MLH3: variants seen among roughly 807,000 people sequenced by gnomAD.
MLH3 encodes the protein DNA mismatch repair protein Mlh3.
Under a neutral mutation model 122.2 loss-of-function variants are expected in MLH3, and 82 were observed. The ratio of observed to expected loss-of-function variants is 0.67; its 90% CI spans 0.56 to 0.81. MLH3 has a LOEUF of 0.81. Ranked by LOEUF, MLH3 falls within the 30% of genes least tolerant of loss-of-function variation. The pLI, the probability that MLH3 is intolerant of heterozygous loss-of-function variation, is 0.00. For synonymous variants in MLH3, 524 were observed against 599.5 expected (o/e 0.87, Z 1.84); for missense variants, 1,539 against 1,714.5 (o/e 0.90, Z 1.81).
rs77157930 is a variant in MLH3 at position 75,018,816 on chromosome 14, G to A, written c.4242+13C>T. On this transcript the variant is annotated intron_variant, in intron 12 of 12. Coordinates refer to ENST00000355774, the MANE Select transcript of MLH3 (RefSeq NM_001040108.2). ...ACTTTGCTCCCTCCTGCTCCTGTTA[G>A]TCATTAATGTACCTGTTTTTCCTGT... is the stretch of plus-strand genomic sequence containing the variant. 1 of 1,613,934 alleles carries A rather than the reference G, an allele frequency of 6.2e-7. No homozygotes were observed. The highest frequency in any genetic ancestry group is 8.5e-7 in the Non-Finnish European group (1 of 1,179,822).
intron 9 of MLH3, among the ~76,000 whole-genome samples, chr14:75,028,356 A>G (rs72734283): frequency 0.064 from 9,652 of 151,900 alleles, 374 homozygotes; most frequent in Non-Finnish European, 0.094. Context: ...GACCTTGACA[A>G]CCCATCTAGC....
chr14:75,046,273 TTCTA>T lies in MLH3; in HGVS notation c.3280+99_3280+102del, dbSNP rs28756994. ...TGTTTTATAAGTGGTCTTCAAAATG[TTCTA>T]TCTGTTGAGATAATCTCTTTGGATA... is the stretch of plus-strand genomic sequence containing the variant. On this transcript the variant is annotated intron_variant, in intron 2 of 12. Coordinates refer to ENST00000355774, the MANE Select transcript of MLH3 (RefSeq NM_001040108.2). The T allele has an allele frequency of 0.013, 15,162 of 1,208,122 alleles. 209 individuals carry two copies. Among genetic ancestry groups the T allele is most frequent in the African/African-American group, 0.051 (3,411 of 67,056 alleles). 74.8% of individuals were successfully genotyped at this position (1,208,122 alleles called of 1,614,324 possible). A position where few individuals can be genotyped will look rare whatever the true frequency, so the allele number is the denominator to read the frequency against.
chr14:75,021,032 A>T (rs1376264938), intron 11 of MLH3, among the ~76,000 whole-genome samples: 1 of 152,142 alleles, frequency 6.6e-6, no homozygotes, highest in African/African-American at 2.4e-5. Flanking sequence ...GCCCGCCACC[A>T]CGCCTGGCTA....
At chr14:75,042,750 C>T (rs1211416811) in intron 2 of MLH3, among the ~76,000 whole-genome samples, 1 of 150,982 alleles carries the variant, frequency 6.6e-6, no homozygotes, top group East Asian at 1.9e-4. Flanking sequence ...CAATTTTGCA[C>T]GAGGGGACAT....
Position 75,016,543 on chromosome 14 carries a change from AC to A in MLH3, c.*538del. ...ATGAAAGACCCTAGAGAATGTTTTCACTGTAGTAGAGAAACTCTTTAAGTCT... is the reference window on the plus strand; with the variant it reads ...ATGAAAGACCCTAGAGAATGTTTTCATGTAGTAGAGAAACTCTTTAAGTCT... On this transcript the variant is annotated 3_prime_UTR_variant, in exon 13 of 13. Coordinates refer to ENST00000355774, the MANE Select transcript of MLH3 (RefSeq NM_001040108.2). 1 of 191,706 alleles carries A rather than the reference AC, an allele frequency of 5.2e-6. No homozygotes were observed. The highest frequency in any genetic ancestry group is 1.1e-5 in the Non-Finnish European group (1 of 90,096). The allele number at this position is 191,706 out of a possible 1,614,324, so 11.9% of individuals were successfully genotyped here. A position where few individuals can be genotyped will look rare whatever the true frequency, so the allele number is the denominator to read the frequency against.
At position 75,047,088 on chromosome 14, in the gene MLH3, T is replaced by G. The variant is rs191623874; in HGVS notation, c.2568A>C (p.Leu856Phe). Residue 856 changes from leucine (L) to phenylalanine (F), a missense_variant, in exon 2 of 13, where the codon TTA (leucine) becomes TTC (phenylalanine). Transcript: ENST00000355774. ...CCAAAGGTTTTCTATTAAAGAGAGATAACTCCTTCAGGGTCATAGGACTTT... is the reference window on the plus strand; with the variant it reads ...CCAAAGGTTTTCTATTAAAGAGAGAGAACTCCTTCAGGGTCATAGGACTTT... ...LRESPMTLKELSLFNRKPLDL... is the reference protein window; with the variant it reads ...LRESPMTLKEFSLFNRKPLDL... 3.0e-5 allele frequency: 49 copies of G among 1,614,150 alleles called. No individual in the cohort carries two copies. The highest frequency in any genetic ancestry group is 5.0e-5 in the Admixed American group (3 of 60,026).
chr14:75,031,151 A>G (rs992333331), intron 8 of MLH3, among the ~76,000 whole-genome samples: 4 of 152,226 alleles, frequency 2.6e-5, no homozygotes, highest in Admixed American at 6.5e-5. Context: ...GTCATAGGGA[A>G]AAAAAGATTT....
chr14:75,017,762 A>G (rs927464632), intron 12 of MLH3, among the ~76,000 whole-genome samples: 1 of 152,238 alleles, frequency 6.6e-6, no homozygotes, highest in Non-Finnish European at 1.5e-5. Context: ...AATGAAGTAA[A>G]ATCAGCTAGT....
chr14:75,023,024 A>C lies in MLH3; in HGVS notation c.3988-6T>G. The C allele has an allele frequency of 6.2e-7, 1 of 1,614,212 alleles. No homozygotes were observed. The highest frequency in any genetic ancestry group is 1.1e-5 in the South Asian group (1 of 91,086). On this transcript the variant is annotated splice_polypyrimidine_tract_variant and splice_region_variant and intron_variant, in intron 9 of 12. Transcript: ENST00000355774. ...AGTTGTTCTCGGATAAATTCCTGCA[A>C]AGCAAAAGGAAAATCGGCTTTAATC...
intron 9 of MLH3, among the ~76,000 whole-genome samples, chr14:75,024,967 G>C (rs1268269284): frequency 1.3e-5 from 2 of 152,220 alleles, no homozygotes; most frequent in African/African-American, 4.8e-5. Context: ...GGAGGAAAGA[G>C]CTTTGCTGGA....
chr14:75,026,527 A>G (rs182314428), intron 9 of MLH3, among the ~76,000 whole-genome samples: 1 of 152,352 alleles, frequency 6.6e-6, no homozygotes, highest in East Asian at 1.9e-4. Flanking sequence ...AGGCATGCAG[A>G]GTAGAAAGAT....
chr14:75,048,203 C>G lies in MLH3; in HGVS notation c.1453G>C (p.Glu485Gln), dbSNP rs767227737. The change falls in exon 2 of 13, where the codon GAG becomes CAG. Residue 485 changes from glutamate to glutamine, a missense_variant. Glu to Gln is a conservative substitution (Grantham distance 29, BLOSUM62 2). Coordinates refer to ENST00000355774, the MANE Select transcript of MLH3 (RefSeq NM_001040108.2). Reference sequence around the variant, plus strand: ...TCCAGGAAAGATTTTTTATGTTTCTCATTTTCTCCAGCTTCTGATGCTACA... The same window carrying G: ...TCCAGGAAAGATTTTTTATGTTTCTGATTTTCTCCAGCTTCTGATGCTACA... ...TIVASEAGEN[E>Q]KHKKSFLEHS... The G allele has an allele frequency of 1.4e-5, 23 of 1,613,490 alleles. No homozygotes were observed. The South Asian group carries it at 2.5e-4, about 18-fold the overall frequency.
rs1406278937 is a variant in MLH3 at position 75,027,281 on chromosome 14, CAG to C, written c.3987+3260_3987+3261del. Among the ~76,000 whole-genome samples the C allele has an allele frequency of 6.0e-5, 9 of 148,814 alleles. No individual in the cohort carries two copies. The East Asian group carries it at 1.6e-3, about 26-fold the overall frequency. On this transcript the variant is annotated intron_variant, in intron 9 of 12. Coordinates refer to ENST00000355774, the MANE Select transcript of MLH3 (RefSeq NM_001040108.2). ...TTCACGGACTTTTTTTTTTTTGAGA[CAG>C]AGTTTCACTCTTGTCACCCAGGCTG...
intron 11 of MLH3, among the ~76,000 whole-genome samples, chr14:75,019,966 G>C (rs1890167288): frequency 6.6e-6 from 1 of 152,126 alleles, no homozygotes; most frequent in African/African-American, 2.4e-5. Flanking sequence ...TAAAATACAG[G>C]ATATGAATAT....
chr14:75,034,754 C>T (rs758377701), intron 6 of MLH3, among the ~76,000 whole-genome samples: 2 of 151,950 alleles, frequency 1.3e-5, no homozygotes, highest in Non-Finnish European at 2.9e-5. Context: ...TCACATACCC[C>T]CTGGGGATCT....
chr14:75,017,894 C>A (rs2139289030), intron 12 of MLH3, among the ~76,000 whole-genome samples: 1 of 152,234 alleles, frequency 6.6e-6, no homozygotes, highest in East Asian at 1.9e-4. Flanking sequence ...GCCTATAATC[C>A]CAGCACTTTG....
At chr14:75,019,450 A>G (rs1419338584) in intron 11 of MLH3, among the ~76,000 whole-genome samples, 1 of 148,154 alleles carries the variant, frequency 6.7e-6, no homozygotes, top group African/African-American at 2.5e-5. Flanking sequence ...GAAATAAATT[A>G]GTGCTTATGA....
intron 11 of MLH3, among the ~76,000 whole-genome samples, chr14:75,019,346 G>T (rs556658436): frequency 0.019 from 2,844 of 150,894 alleles, 53 homozygotes; most frequent in African/African-American, 0.045. Context: ...GGAGGCGGGG[G>T]TTGCAGTGAG....
chr14:75,023,208 A>C (rs751314662), intron 9 of MLH3, among the ~76,000 whole-genome samples, 190 bp from the exon 10 acceptor site: 2 of 152,206 alleles, frequency 1.3e-5, no homozygotes, highest in Non-Finnish European at 2.9e-5. Context: ...AAGCAACTGA[A>C]TAGAACTCTT....
Sources: allele counts gnomAD v4.1 joint callset (sites outside exome capture counted in the v4.1 genomes callset), GRCh38; gene constraint gnomAD v4.1.1; transcripts MANE v1.5; gene names NCBI Gene and HGNC (gene_info 2026-07-23, HGNC 2026-07-21).